Variants in RER1 observed in about 807,000 individuals in gnomAD.
The protein encoded by RER1 is retention in endoplasmic reticulum sorting receptor 1.
Under a neutral mutation model 28.3 loss-of-function variants are expected in RER1, and 6 were observed. The ratio of observed to expected loss-of-function variants is 0.21; its 90% confidence interval spans 0.12 to 0.42. RER1 has a LOEUF of 0.42. Among genes scored for constraint, RER1 ranks in the 10% least tolerant of loss-of-function variants. The pLI is 1.00. For synonymous variants in RER1, 110 were observed against 95.9 expected, an observed-to-expected ratio of 1.15 and a Z score of -0.86; for missense variants, 159 against 252.9, an observed-to-expected ratio of 0.63 and a Z score of 2.52.
At chr1:2,401,485 G>A (rs923617439) in intron 5 of RER1, among the ~76,000 whole-genome samples, 16 of 138,934 alleles carry the variant, frequency 1.2e-4, no homozygotes, top group Admixed American at 1.1e-3. Flanking sequence ...TTCTCCTGGA[G>A]TCATTTTTGA....
At chr1:2,392,762 C>T (rs1262853581) in intron 1 of RER1, among the ~76,000 whole-genome samples, 1 of 152,234 alleles carries the variant, frequency 6.6e-6, no homozygotes, top group Non-Finnish European at 1.5e-5. Context: ...CACATGGCTT[C>T]TGCCGTATGC....
At chr1:2,397,267 T>A in intron 3 of RER1, 47 bp downstream of exon 3, 1 of 1,286,992 alleles carries the variant, frequency 7.8e-7, no homozygotes, top group South Asian at 1.2e-5. Context: ...CCACGTTACC[T>A]GGGCGTGATG....
chr1:2,402,426 T>G (rs1642880055), intron 6 of RER1, 84 bp downstream of exon 6: 3 of 1,573,962 alleles, frequency 1.9e-6, no homozygotes, highest in Non-Finnish European at 2.6e-6. Flanking sequence ...TGGGCTGTGG[T>G]GGGTGGTGGC....
At chr1:2,402,118 C>T (rs550679606) in intron 5 of RER1, 89 bp from the exon 6 acceptor site, 124 of 1,613,348 alleles carry the variant, frequency 7.7e-5, no homozygotes, top group African/African-American at 1.7e-4. Context: ...TTTGCGGGGA[C>T]GGTCGGTGCA....
chr1:2,400,700 G>C (rs1642834152), intron 4 of RER1, among the ~76,000 whole-genome samples, 157 bp from the exon 5 acceptor site: 1 of 152,206 alleles, frequency 6.6e-6, no homozygotes, highest in Non-Finnish European at 1.5e-5. Flanking sequence ...TGTGTCAGTT[G>C]ACCACAGACC....
At chr1:2,401,564 G>T (rs913134003) in intron 5 of RER1, among the ~76,000 whole-genome samples, 1 of 151,110 alleles carries the variant, frequency 6.6e-6, no homozygotes, top group Non-Finnish European at 1.5e-5. Flanking sequence ...CCGTCAGAGG[G>T]ACGGGAGCGT....
At chr1:2,402,503 G>C (rs1170043182) in intron 6 of RER1, among the ~76,000 whole-genome samples, 161 bp downstream of exon 6, 1 of 44,932 alleles carries the variant, frequency 2.2e-5, no homozygotes, top group Non-Finnish European at 8.6e-5. Flanking sequence ...ACACTGCTCC[G>C]TTCCCAGCAC....
chr1:2,405,194 T>C lies in RER1; in HGVS notation c.*2070T>C. The C allele has an allele frequency of 5.5e-6, 1 of 182,172 alleles. No homozygotes were observed. Among genetic ancestry groups the C allele is most frequent in the Non-Finnish European group, 1.2e-5 (1 of 84,990 alleles). The allele number at this position is 182,172 out of a possible 1,614,324, so 11.3% of individuals were successfully genotyped here. ...GACGGAGGTGCTGGCCTTGGTTGGT[T>C]TCTCTCTGCCCCGTGTGGTCATCAA... On this transcript the variant is annotated 3_prime_UTR_variant, in exon 7 of 7. Transcript: ENST00000605895.
chr1:2,397,570 C>T (rs1480536412), intron 3 of RER1, among the ~76,000 whole-genome samples: 3 of 152,142 alleles, frequency 2.0e-5, no homozygotes, highest in African/African-American at 4.8e-5. Flanking sequence ...TGCCTCATTC[C>T]TTGGGTGAAG....
chr1:2,399,361 T>C, intron 3 of RER1, 54 bp from the exon 4 acceptor site: 1 of 1,256,450 alleles, frequency 8.0e-7, no homozygotes, highest in Non-Finnish European at 1.2e-6. Context: ...GTGAACTGGC[T>C]CAGGCTGATG....
chr1:2,392,015 T>A (rs1642682295), intron 1 of RER1, 57 bp downstream of exon 1: 1 of 152,106 alleles, frequency 6.6e-6, no homozygotes, highest in Non-Finnish European at 1.5e-5. Context: ...CTCCGCTTCT[T>A]CCGGGCTGTC....
rs1316891759 is a variant in RER1 at position 2,404,861 on chromosome 1, T to G, written c.*1737T>G. The G allele has an allele frequency of 2.0e-5, 3 of 152,700 alleles. No homozygotes were observed. Among genetic ancestry groups the G allele is most frequent in the Non-Finnish European group, 4.4e-5 (3 of 68,136 alleles). The allele number at this position is 152,700 out of a possible 1,614,324, so 9.5% of individuals were successfully genotyped here. A position where few individuals can be genotyped will look rare whatever the true frequency, so the allele number is the denominator to read the frequency against. On this transcript the variant is annotated 3_prime_UTR_variant, in exon 7 of 7. Coordinates refer to ENST00000605895, the MANE Select transcript of RER1 (RefSeq NM_007033.5). Reference sequence around the variant, plus strand: ...TATTAAAGATGCCTACGGTGAACTCTCTGGCGCAGGTTAAATGCAGTTTTG... The same window carrying G: ...TATTAAAGATGCCTACGGTGAACTCGCTGGCGCAGGTTAAATGCAGTTTTG...
At chr1:2,395,583 G>A (rs1208175545) in intron 1 of RER1, 17 of 570,492 alleles carry the variant, frequency 3.0e-5, no homozygotes, top group East Asian at 6.0e-5. Context: ...GGGCCCATGC[G>A]TCTCACGCTG....
At chr1:2,394,948 C>T (rs1260191889) in intron 1 of RER1, 1 of 152,346 alleles carries the variant, frequency 6.6e-6, no homozygotes, top group Non-Finnish European at 1.5e-5. Flanking sequence ...ACGCCGTCTC[C>T]TCTCAGGAGT....
chr1:2,402,959 G>A, intron 6 of RER1, 76 bp from the exon 7 acceptor site: 1 of 1,251,106 alleles, frequency 8.0e-7, no homozygotes, highest in Non-Finnish European at 1.2e-6. Context: ...GGGACCTTTG[G>A]CCGCTCAGAT....
intron 3 of RER1, among the ~76,000 whole-genome samples, chr1:2,398,785 T>C (rs1175600624): frequency 6.6e-6 from 1 of 152,276 alleles, no homozygotes; most frequent in Non-Finnish European, 1.5e-5. Flanking sequence ...ATAAGTGTGC[T>C]GCACTCAGGC....
Position 2,405,373 on chromosome 1 carries a change from C to T in RER1, c.*2249C>T. On this transcript the variant is annotated 3_prime_UTR_variant, in exon 7 of 7. Transcript: ENST00000605895. Reference sequence around the variant, plus strand: ...AGCACGCACTCATTCAGTCCATTGCCTTAACACAAGCCTGATGGGGCTGTT... The same window carrying T: ...AGCACGCACTCATTCAGTCCATTGCTTTAACACAAGCCTGATGGGGCTGTT... 2.7e-6 allele frequency: 1 copy of T among 370,344 alleles called. No individual in the cohort carries two copies. The highest frequency in any genetic ancestry group is 5.2e-6 in the Non-Finnish European group (1 of 190,764). 22.9% of individuals were successfully genotyped at this position (370,344 alleles called of 1,614,324 possible).
At chr1:2,402,462 G>A in intron 6 of RER1, 120 bp downstream of exon 6, 1 of 1,316,192 alleles carries the variant, frequency 7.6e-7, no homozygotes, top group Non-Finnish European at 1.1e-6. Context: ...TGAATGTGGA[G>A]CTAAGTGGCA....
intron 5 of RER1, among the ~76,000 whole-genome samples, chr1:2,401,309 T>G (rs1255648489): frequency 2.8e-5 from 1 of 35,944 alleles, no homozygotes; most frequent in Non-Finnish European, 5.6e-5. Flanking sequence ...TCCTGCCGCC[T>G]CCTCCCTCCT....
Sources: gnomAD v4.1 joint callset for allele counts (sites outside exome capture counted in the v4.1 genomes callset) on GRCh38, gnomAD v4.1.1 for gene constraint, MANE v1.5 for transcripts, NCBI Gene and HGNC (gene_info 2026-07-23, HGNC 2026-07-21) for gene names.